The following SYNE1 variants were observed in gnomAD, a reference collection of about 807,000 sequenced individuals.
SYNE1 encodes spectrin repeat containing nuclear envelope protein 1.
A neutral mutation model predicts 1,111.0 loss-of-function variants in SYNE1; 616 were observed. The observed-to-expected ratio is 0.55, with a 90% CI of 0.52 to 0.59. The LOEUF is 0.59. SYNE1 is among the 20% of genes least tolerant of loss of function. SYNE1 has a pLI of 0.00. For synonymous variants in SYNE1, 3,855 were observed against 3,825.8 expected (o/e 1.01, Z -0.28); for missense variants, 10,006 against 10,417.0 (o/e 0.96, Z 1.72).
At chr6:152,377,838 A>T (rs964935895) in intron 56 of SYNE1, among the ~76,000 whole-genome samples, 1 of 151,786 alleles carries the variant, frequency 6.6e-6, no homozygotes, top group Non-Finnish European at 1.5e-5. Context: ...ACCGTGTGCC[A>T]AGCATTTTGC....
intron 119 of SYNE1, among the ~76,000 whole-genome samples, chr6:152,219,633 T>C (rs1446448156): frequency 1.3e-5 from 2 of 152,212 alleles, no homozygotes; most frequent in Non-Finnish European, 2.9e-5. Context: ...ATTATTATCA[T>C]ACACACCAGG....
At chr6:152,285,640 T>A (rs2094287881) in intron 95 of SYNE1, among the ~76,000 whole-genome samples, 1 of 152,154 alleles carries the variant, frequency 6.6e-6, no homozygotes, top group South Asian at 2.1e-4. Context: ...GAACATGCTG[T>A]TCCCTCAACA....
At chr6:152,365,113 T>C (rs545878400) in intron 62 of SYNE1, 94 bp from the exon 63 acceptor site, 85 of 1,510,398 alleles carry the variant, frequency 5.6e-5, no homozygotes, top group Non-Finnish European at 7.6e-5. Flanking sequence ...CAGAATAATA[T>C]GCAATTGTGC....
intron 99 of SYNE1, 149 bp from the exon 100 acceptor site, chr6:152,268,314 T>G: frequency 1.5e-6 from 1 of 680,234 alleles, no homozygotes; most frequent in Admixed American, 2.2e-5. Context: ...TATGTAAATA[T>G]TCAAATGTGT....
chr6:152,262,195 G>A lies in SYNE1; in HGVS notation c.18816-7C>T, dbSNP rs2153650476. 1 of 1,613,026 alleles carries A rather than the reference G, an allele frequency of 6.2e-7. No individual in the cohort carries two copies. The highest frequency in any genetic ancestry group is 8.5e-7 in the Non-Finnish European group (1 of 1,179,534). ...TAACACATCAGGTTTTTCGCTATTAGAAGAATAAATAATCTAAGTTTACAA... is the reference window on the plus strand; with the variant it reads ...TAACACATCAGGTTTTTCGCTATTAAAAGAATAAATAATCTAAGTTTACAA... On this transcript the variant is annotated splice_region_variant and splice_polypyrimidine_tract_variant and intron_variant, in intron 100 of 145. Transcript: ENST00000367255.
Position 152,219,204 on chromosome 6 carries a change from T to C in SYNE1, c.21862-19A>G. On this transcript the variant is annotated intron_variant, in intron 119 of 145. Transcript: ENST00000367255. ...GGAGGTCCTAGAAGAGGTGAAAATA[T>C]GCCCACTCTGAAGCATGTTGATACT... The C allele has an allele frequency of 3.1e-6, 5 of 1,612,022 alleles. No individual in the cohort carries two copies. The highest frequency in any genetic ancestry group is 1.3e-5 in the African/African-American group (1 of 74,994).
intron 119 of SYNE1, 94 bp from the exon 120 acceptor site, chr6:152,219,279 C>A: frequency 8.4e-7 from 1 of 1,193,488 alleles, no homozygotes; most frequent in East Asian, 2.3e-5. Context: ...AGAAACACAC[C>A]ATTCCTACGG....
intron 141 of SYNE1, among the ~76,000 whole-genome samples, chr6:152,135,981 G>A (rs1405523586): frequency 6.6e-6 from 1 of 152,128 alleles, no homozygotes; most frequent in African/African-American, 2.4e-5. Context: ...TCCTGCTTCT[G>A]GGACTTTCCA....
Position 152,157,493 on chromosome 6 carries a change from A to G in SYNE1, c.23791-1396T>C, listed in dbSNP as rs906201517. ...ATACAGTTAGAGGGAATAAGTCTTA[A>G]TGTTCGATAGAGTAGAATGACTATA... On this transcript the variant is annotated intron_variant, in intron 131 of 145. Coordinates refer to ENST00000367255, the MANE Select transcript of SYNE1 (RefSeq NM_182961.4). 7.2e-5 allele frequency among the ~76,000 whole-genome samples: 11 copies of G among 152,186 alleles called. 1 individual carries two copies. The South Asian group carries it at 1.2e-3, about 17-fold the overall frequency.
At chr6:152,431,708 C>G (rs552643377) in intron 34 of SYNE1, among the ~76,000 whole-genome samples, 1 of 152,256 alleles carries the variant, frequency 6.6e-6, no homozygotes, top group African/African-American at 2.4e-5. Context: ...GTTTTGACTT[C>G]TGTCTAGATG....
intron 3 of SYNE1, among the ~76,000 whole-genome samples, chr6:152,618,807 G>A (rs896809314): frequency 9.2e-5 from 14 of 152,116 alleles, no homozygotes; most frequent in Admixed American, 3.9e-4. Context: ...ACTTCTTTGA[G>A]ATGTTTCCAT....
intron 90 of SYNE1, among the ~76,000 whole-genome samples, chr6:152,309,111 G>A (rs2095471295): frequency 6.6e-6 from 1 of 152,156 alleles, no homozygotes; most frequent in Admixed American, 6.5e-5. Context: ...GTGAGCCCAG[G>A]AGTTCAATAC....
At chr6:152,129,569 A>C (rs531904929) in intron 145 of SYNE1, 4 of 148,282 alleles carry the variant, frequency 2.7e-5, no homozygotes, top group African/African-American at 7.5e-5. Flanking sequence ...AAAAAAAAAA[A>C]CTCATAAAAT....
At chr6:152,265,152 G>A (rs1766608696) in intron 100 of SYNE1, among the ~76,000 whole-genome samples, 1 of 147,100 alleles carries the variant, frequency 6.8e-6, no homozygotes. Context: ...GTTGCAGTGA[G>A]CTGAGATCGC....
intron 3 of SYNE1, among the ~76,000 whole-genome samples, chr6:152,560,997 T>C (rs564973328): frequency 5.6e-4 from 85 of 152,114 alleles, no homozygotes; most frequent in Non-Finnish European, 1.1e-3. Flanking sequence ...TCCTCCAAGA[T>C]CAGTGAAAAG....
At chr6:152,415,922 G>A (rs894077256) in intron 41 of SYNE1, among the ~76,000 whole-genome samples, 2 of 151,848 alleles carry the variant, frequency 1.3e-5, no homozygotes, top group South Asian at 2.1e-4. Context: ...GGACATGCCC[G>A]GAAGAAATAA....
intron 3 of SYNE1, among the ~76,000 whole-genome samples, chr6:152,578,016 T>C (rs111525209): frequency 2.2e-3 from 331 of 152,288 alleles, no homozygotes; most frequent in Non-Finnish European, 4.3e-3. Flanking sequence ...TGTGGGAGTA[T>C]ATGTGTAAAG....
chr6:152,244,565 G>C lies in SYNE1; in HGVS notation c.19664C>G (p.Pro6555Arg). The C allele has an allele frequency of 6.2e-7, 1 of 1,614,038 alleles. No individual in the cohort carries two copies. Among genetic ancestry groups the C allele is most frequent in the Non-Finnish European group, 8.5e-7 (1 of 1,179,956 alleles). Residue 6555 changes from proline to arginine, a missense_variant, in exon 106 of 146, where the codon CCG (proline) becomes CGG (arginine). Around this residue, in one of 7 missense-constraint regions of SYNE1, gnomAD observed 2,182 missense variants for 2,287.8 expected, o/e 0.95. Coordinates refer to ENST00000367255, the MANE Select transcript of SYNE1 (RefSeq NM_182961.4). ...RRGDKLQVEQ[P>R]SMQELSKLQD... ...GAGCTTGGAGAGTTCTTGCATGGAC[G>C]GCTGCTCGACCTGTAGCTTGTCACC...
At chr6:152,563,699 G>T (rs1367507183) in intron 3 of SYNE1, among the ~76,000 whole-genome samples, 1 of 152,126 alleles carries the variant, frequency 6.6e-6, no homozygotes, top group Non-Finnish European at 1.5e-5. Flanking sequence ...TTCCAGAATT[G>T]TTACTTTTGA....
Sources: gnomAD v4.1 joint callset for allele counts (sites outside exome capture counted in the v4.1 genomes callset) on GRCh38, gnomAD v4.1.1 for gene constraint, gnomAD v4.1.1 regional missense constraint, MANE v1.5 for transcripts, NCBI Gene and HGNC (gene_info 2026-07-23, HGNC 2026-07-21) for gene names.